The following RILPL1 variants were observed in gnomAD, a reference collection of about 807,000 sequenced individuals.
The protein encoded by RILPL1 is RILP-like protein 1.
A neutral mutation model predicts 50.3 loss-of-function variants in RILPL1; 33 were observed. That is an observed-to-expected ratio of 0.66 (90% CI 0.50 to 0.88). RILPL1 has a LOEUF of 0.88. RILPL1 is among the 40% of genes least tolerant of loss of function. The pLI is 0.00. For synonymous variants in RILPL1, 205 were observed against 228.6 expected, an observed-to-expected ratio of 0.90 and a Z score of 0.93; for missense variants, 418 against 542.5, an observed-to-expected ratio of 0.77 and a Z score of 2.28.
At chr12:123,526,716 A>G (rs556871496) in intron 1 of RILPL1, among the ~76,000 whole-genome samples, 1 of 152,304 alleles carries the variant, frequency 6.6e-6, no homozygotes, top group East Asian at 1.9e-4. Flanking sequence ...GAGGAGTAAT[A>G]GCCTAGTATT....
In RILPL1 at chr12:123,476,616, T is replaced by C. The variant is rs567908222; in HGVS notation, c.1068-3934A>G. 1.8e-3 allele frequency among the ~76,000 whole-genome samples: 274 copies of C among 152,168 alleles called. 1 individual carries two copies. The highest frequency in any genetic ancestry group is 4.2e-3 in the Admixed American group (64 of 15,278). ...GAAGTGGATACTGAGGTGAGGCTTC[T>C]GCAGGCCAAGGACTGCCAAAGACCC... On this transcript the variant is annotated intron_variant, in intron 6 of 6. Coordinates refer to ENST00000376874, the MANE Select transcript of RILPL1 (RefSeq NM_178314.5).
intron 1 of RILPL1, among the ~76,000 whole-genome samples, chr12:123,526,903 C>T (rs1446087902): frequency 1.3e-5 from 2 of 152,092 alleles, no homozygotes; most frequent in African/African-American, 4.8e-5. Flanking sequence ...TGGGCTCACA[C>T]GGGGCTCAGA....
rs1167817035 is a variant in RILPL1, at chr12:123,472,605, T to C, written c.1145A>G (p.Gln382Arg). The C allele has an allele frequency of 2.5e-6, 4 of 1,577,272 alleles. No homozygotes were observed. Among genetic ancestry groups the C allele is most frequent in the Non-Finnish European group, 2.6e-6 (3 of 1,161,184 alleles). The change falls in exon 7 of 7, where the codon CAG becomes CGG. Residue 382 changes from glutamine to arginine, a missense_variant. Gln to Arg is a conservative substitution (Grantham distance 43). Coordinates refer to ENST00000376874, the MANE Select transcript of RILPL1 (RefSeq NM_178314.5). ...GTCATCGCGGTGGGTGTTTGCCCAC[T>C]GTCCAAAGGACTCCTGGATGTGCAC... The part of the protein sequence containing the change: ...RNVHIQESFG[Q>R]WANTHRDDGY...
intron 1 of RILPL1, among the ~76,000 whole-genome samples, chr12:123,526,332 TAA>T (rs2139390050): frequency 1.9e-5 from 1 of 53,704 alleles, no homozygotes; most frequent in Non-Finnish European, 5.5e-5. Context: ...ATAAAATAAA[TAA>T]AAAATAAAAT....
At chr12:123,500,623 A>G (rs1407277071) in intron 2 of RILPL1, among the ~76,000 whole-genome samples, 1 of 152,128 alleles carries the variant, frequency 6.6e-6, no homozygotes, top group Admixed American at 6.6e-5. Flanking sequence ...GACGCTGCAC[A>G]GTGATTCAGG....
chr12:123,532,408 CT>C (rs1448786221), intron 1 of RILPL1, among the ~76,000 whole-genome samples: 1 of 152,156 alleles, frequency 6.6e-6, no homozygotes, highest in Non-Finnish European at 1.5e-5. Flanking sequence ...CAAATCATCC[CT>C]TTCCCCCAAT....
intron 6 of RILPL1, among the ~76,000 whole-genome samples, chr12:123,480,057 G>A (rs942662055): frequency 2.6e-5 from 4 of 152,072 alleles, no homozygotes; most frequent in Non-Finnish European, 2.9e-5. Flanking sequence ...AGAAAAACTC[G>A]GCTCTGGAAG....
chr12:123,511,597 TGTGTGTGGTGTGTGTGAG>T (rs2139363439), intron 2 of RILPL1, among the ~76,000 whole-genome samples: 1 of 144,092 alleles, frequency 6.9e-6, no homozygotes, highest in African/African-American at 2.6e-5. Context: ...GTGAGGTCTG[TGTGTGTGGTGTGTGTGAG>T]GTCTGTGTGT....
At chr12:123,513,442 T>G (rs931625295) in intron 2 of RILPL1, 2 of 278,492 alleles carry the variant, frequency 7.2e-6, no homozygotes, top group Non-Finnish European at 7.7e-6. Context: ...GCTGGGTCTA[T>G]GTGGAAGCCC....
At chr12:123,513,124 GTGGT>G (rs1884476176) in intron 2 of RILPL1, among the ~76,000 whole-genome samples, 1 of 150,388 alleles carries the variant, frequency 6.6e-6, no homozygotes, top group African/African-American at 2.4e-5. Context: ...CTGTGTGTGT[GTGGT>G]GTGTGAGGTC....
rs1035654878 is a variant in RILPL1 at position 123,470,868 on chromosome 12, C to G, written c.*1670G>C. 1 of 152,064 alleles carries G rather than the reference C, an allele frequency of 6.6e-6. No individual in the cohort carries two copies. Among genetic ancestry groups the G allele is most frequent in the Non-Finnish European group, 1.5e-5 (1 of 68,034 alleles). The allele number at this position is 152,064 out of a possible 1,614,324, so 9.4% of individuals were successfully genotyped here. A position where few individuals can be genotyped will look rare whatever the true frequency, so the allele number is the denominator to read the frequency against. ...CCTGTTGGAAGGGCAACAAAGGTGG[C>G]CAGGGGTGGGAGAGAAATTCATCAG... is the stretch of plus-strand genomic sequence containing the variant. On this transcript the variant is annotated 3_prime_UTR_variant, in exon 7 of 7. Transcript: ENST00000376874.
In RILPL1 at chr12:123,522,313, G is replaced by A. The variant is rs1020500492; in HGVS notation, c.460+1182C>T. On this transcript the variant is annotated intron_variant, in intron 2 of 6. Coordinates refer to ENST00000376874, the MANE Select transcript of RILPL1 (RefSeq NM_178314.5). This position sits in a 1 kb window ranked among gnomAD's most constrained non-coding sequence, Gnocchi z 4.0. ...TGCCGCCCACAGCCCCGCCTGGCCC[G>A]AATCTTGCGGCCCATTTGTCCTTTT... 6.6e-6 allele frequency among the ~76,000 whole-genome samples: 1 copy of A among 152,210 alleles called. No homozygotes were observed. Among genetic ancestry groups the A allele is most frequent in the Admixed American group, 6.5e-5 (1 of 15,276 alleles).
chr12:123,499,992 C>T (rs1165249094), intron 2 of RILPL1, among the ~76,000 whole-genome samples: 3 of 149,366 alleles, frequency 2.0e-5, no homozygotes, highest in East Asian at 2.0e-4. Flanking sequence ...AGTGCAGTGG[C>T]GCGATCTCGG....
chr12:123,528,333 T>G (rs944643617), intron 1 of RILPL1, among the ~76,000 whole-genome samples: 7 of 142,376 alleles, frequency 4.9e-5, no homozygotes, highest in African/African-American at 1.8e-4. Flanking sequence ...CACGCCAGCC[T>G]GGGCAACAGA....
chr12:123,498,848 A>G lies in RILPL1; in HGVS notation c.580-83T>C. 1 of 1,269,706 alleles carries G rather than the reference A, an allele frequency of 7.9e-7. No homozygotes were observed. The highest frequency in any genetic ancestry group is 1.1e-6 in the Non-Finnish European group (1 of 882,326). 78.7% of individuals were successfully genotyped at this position (1,269,706 alleles called of 1,614,324 possible). ...CACTGCACAACGGCAAACCATCCAT[A>G]GGTGTGCCATTTACATTGCAGACAT... is the stretch of plus-strand genomic sequence containing the variant. On this transcript the variant is annotated intron_variant, in intron 3 of 6. Transcript: ENST00000376874. The surrounding 1 kb of genome is among the most constrained non-coding windows in gnomAD (Gnocchi z 4.3).
intron 6 of RILPL1, among the ~76,000 whole-genome samples, chr12:123,480,515 A>G (rs1881900141): frequency 6.6e-6 from 1 of 151,994 alleles, no homozygotes; most frequent in Non-Finnish European, 1.5e-5. Context: ...TGCAGAACAC[A>G]AGTCTCTTGA....
intron 6 of RILPL1, 26 bp downstream of exon 6, chr12:123,484,154 G>A (rs746225930): frequency 2.4e-5 from 36 of 1,525,854 alleles, no homozygotes; most frequent in South Asian, 3.4e-5. Flanking sequence ...TCAGCCGAGC[G>A]CAGAAGCTGG....
In RILPL1 at chr12:123,516,787, G is replaced by A. The variant is rs144855986; in HGVS notation, c.460+6708C>T. On this transcript the variant is annotated intron_variant, in intron 2 of 6. Transcript: ENST00000376874. ...CCTTATAAGACAAAGGAAGTTGAGC[G>A]CTATGCCTCATGCCTGTAATCCCAG... 6.6e-5 allele frequency among the ~76,000 whole-genome samples: 10 copies of A among 152,182 alleles called. No individual in the cohort carries two copies. The East Asian group carries it at 9.6e-4, about 15-fold the overall frequency.
intron 4 of RILPL1, among the ~76,000 whole-genome samples, chr12:123,493,935 C>T (rs1443302319): frequency 6.6e-6 from 1 of 152,144 alleles, no homozygotes; most frequent in Admixed American, 6.6e-5. Flanking sequence ...CAGGCACCCA[C>T]CACCACGCCT....
Sources: gnomAD v4.1 joint callset for allele counts (sites outside exome capture counted in the v4.1 genomes callset) on GRCh38, gnomAD v4.1.1 for gene constraint, Gnocchi (gnomAD v3.1) non-coding constraint, MANE v1.5 for transcripts, NCBI Gene and HGNC (gene_info 2026-07-23, HGNC 2026-07-21) for gene names.